PCDHA1: variants seen among roughly 807,000 people sequenced by gnomAD.
PCDHA1 encodes protocadherin alpha-1.
Under a neutral mutation model 61.3 loss-of-function variants are expected in PCDHA1, and 42 were observed. The observed-to-expected ratio is 0.69, with a 90% confidence interval of 0.54 to 0.89. PCDHA1 has a LOEUF of 0.89. Ranked by LOEUF, PCDHA1 falls within the 40% of genes least tolerant of loss-of-function variation. PCDHA1 has a pLI of 0.00. For synonymous variants in PCDHA1, 610 were observed against 553.8 expected (o/e 1.10, Z -1.43); for missense variants, 1,256 against 1,235.3 (o/e 1.02, Z -0.25).
chr5:140,842,870 G>A, intron 1 of PCDHA1: 1 of 1,594,050 alleles, frequency 6.3e-7, no homozygotes, highest in Non-Finnish European at 8.6e-7. Flanking sequence ...GAGCGGCAAG[G>A]TGTACGCGCT....
intron 1 of PCDHA1, among the ~76,000 whole-genome samples, chr5:140,797,953 A>G (rs1355530317): frequency 1.3e-5 from 2 of 152,106 alleles, no homozygotes; most frequent in African/African-American, 4.8e-5. Flanking sequence ...CCCGGGTTCA[A>G]GTGATTGTCT....
At chr5:140,866,739 C>T (rs1198771092) in intron 1 of PCDHA1, 5 of 152,124 alleles carry the variant, frequency 3.3e-5, no homozygotes, top group African/African-American at 4.8e-5. Context: ...CACTCTAATA[C>T]TTATATGACT....
intron 1 of PCDHA1, chr5:140,967,740 A>T (rs2096177949): frequency 6.2e-6 from 10 of 1,614,052 alleles, no homozygotes; most frequent in Non-Finnish European, 8.5e-6. Flanking sequence ...GGGCTGGATT[A>T]TGAGGAAGCC....
rs556783584 is a variant in PCDHA1 at position 140,882,446 on chromosome 5, G to A, written c.2394+93762G>A. ...CCTGGGGCTGGAGCTGGCGGAGCTG[G>A]TGCCGCGCCTGTTCCGGGTGGCGTC... On this transcript the variant is annotated intron_variant, in intron 1 of 3. Coordinates refer to ENST00000504120, the MANE Select transcript of PCDHA1 (RefSeq NM_018900.4). 1.9e-5 allele frequency: 30 copies of A among 1,614,042 alleles called. No individual in the cohort carries two copies. The highest frequency in any genetic ancestry group is 1.0e-4 in the Admixed American group (6 of 60,036).
At chr5:141,000,361 GTCTC>G (rs148596731) in intron 3 of PCDHA1, among the ~76,000 whole-genome samples, 1,917 of 26,274 alleles carry the variant, frequency 0.073, 118 homozygotes, top group African/African-American at 0.11. Flanking sequence ...GTCTCTCTCT[GTCTC>G]TCTCTCTCTC....
At chr5:140,803,426 C>T (rs782209415) in intron 1 of PCDHA1, 38 of 1,614,080 alleles carry the variant, frequency 2.4e-5, no homozygotes, top group Non-Finnish European at 4.2e-6. Context: ...TGTGCTCCAG[C>T]GCGGTGGGGA....
chr5:140,879,064 G>C (rs1389510074), intron 1 of PCDHA1, among the ~76,000 whole-genome samples: 1 of 152,214 alleles, frequency 6.6e-6, no homozygotes, highest in South Asian at 2.1e-4. Flanking sequence ...TACCAAGAAA[G>C]TGTTAAGAGA....
At chr5:140,877,443 C>T (rs376417721) in intron 1 of PCDHA1, 1 of 1,613,844 alleles carries the variant, frequency 6.2e-7, no homozygotes, top group East Asian at 2.2e-5. Flanking sequence ...ACGGTGAGCC[C>T]GCGCTGACGT....
At chr5:140,810,682 C>G (rs1443400304) in intron 1 of PCDHA1, 1 of 151,610 alleles carries the variant, frequency 6.6e-6, no homozygotes, top group Non-Finnish European at 1.5e-5. Context: ...TTTTTCTCTT[C>G]TTTTTGCTTC....
At position 140,870,603 on chromosome 5, in the gene PCDHA1, C is replaced by T. The variant is rs782250124; in HGVS notation, c.2394+81919C>T. ...CGCTGGTGGAGCGGCGGTTGGGCGACCGCGCGCTGTCGAGCTACGTGTCGG... is the reference window on the plus strand; with the variant it reads ...CGCTGGTGGAGCGGCGGTTGGGCGATCGCGCGCTGTCGAGCTACGTGTCGG... On this transcript the variant is annotated intron_variant, in intron 1 of 3. Coordinates refer to ENST00000504120, the MANE Select transcript of PCDHA1 (RefSeq NM_018900.4). The T allele has an allele frequency of 4.3e-6, 7 of 1,613,340 alleles. No homozygotes were observed. The Admixed American group carries it at 1.2e-4, about 27-fold the overall frequency.
chr5:140,980,216 G>A (rs1554241518), intron 2 of PCDHA1, among the ~76,000 whole-genome samples: 1 of 152,190 alleles, frequency 6.6e-6, no homozygotes, highest in African/African-American at 2.4e-5. Flanking sequence ...GCTTTTGCCT[G>A]CATCTGAGCT....
chr5:140,925,447 T>G (rs2153577798), intron 1 of PCDHA1, among the ~76,000 whole-genome samples: 1 of 152,154 alleles, frequency 6.6e-6, no homozygotes, highest in Non-Finnish European at 1.5e-5. Context: ...AGAATTTGGG[T>G]GTATCTGTTG....
At chr5:140,908,662 G>C (rs1489476593) in intron 1 of PCDHA1, among the ~76,000 whole-genome samples, 4 of 152,114 alleles carry the variant, frequency 2.6e-5, no homozygotes, top group Non-Finnish European at 4.4e-5. Context: ...CCTGCCAAAG[G>C]CTCCAAATAG....
intron 1 of PCDHA1, among the ~76,000 whole-genome samples, chr5:140,879,906 T>C (rs993531346): frequency 6.6e-6 from 1 of 152,214 alleles, no homozygotes; most frequent in Admixed American, 6.5e-5. Context: ...TCTCTCTCTA[T>C]GTGTTGGTTT....
chr5:140,801,282 G>C (rs782159759), intron 1 of PCDHA1: 2 of 1,613,382 alleles, frequency 1.2e-6, no homozygotes, highest in African/African-American at 1.3e-5. Context: ...GGTGGGGAGC[G>C]GCCAGCTCCA....
chr5:140,856,484 C>T lies in PCDHA1; in HGVS notation c.2394+67800C>T. 3 of 1,598,366 alleles carry T rather than the reference C, an allele frequency of 1.9e-6. 1 individual carries two copies. The highest frequency in any genetic ancestry group is 2.7e-5 in the African/African-American group (2 of 74,376). The stretch of plus-strand genomic sequence containing the variant: ...AAAGCTCTCAATACCTGAATCCAGA[C>T]TGCTTGACTCTCGATTTCCACTAGA... On this transcript the variant is annotated intron_variant, in intron 1 of 3. Coordinates refer to ENST00000504120, the MANE Select transcript of PCDHA1 (RefSeq NM_018900.4).
At chr5:140,804,475 A>G (rs1763398266) in intron 1 of PCDHA1, 2 of 152,178 alleles carry the variant, frequency 1.3e-5, no homozygotes, top group South Asian at 2.1e-4. Flanking sequence ...TCTGAACAAT[A>G]TCTTGAAAAT....
chr5:140,947,754 G>A (rs1295200380), intron 1 of PCDHA1, among the ~76,000 whole-genome samples: 2 of 151,334 alleles, frequency 1.3e-5, no homozygotes, highest in African/African-American at 2.4e-5. Flanking sequence ...TGTATTTTAT[G>A]GTTTAAAAAA....
At chr5:140,969,161 G>A (rs782498682) in intron 1 of PCDHA1, 1 of 1,614,156 alleles carries the variant, frequency 6.2e-7, no homozygotes, top group South Asian at 1.1e-5. Context: ...CTGTCTGACA[G>A]CAGGCTCAGG....
Sources: allele counts gnomAD v4.1 joint callset (sites outside exome capture counted in the v4.1 genomes callset), GRCh38; gene constraint gnomAD v4.1.1; transcripts MANE v1.5; gene names NCBI Gene and HGNC (gene_info 2026-07-23, HGNC 2026-07-21).